TRIM26: variants seen among roughly 807,000 people sequenced by gnomAD.
The protein encoded by TRIM26 is tripartite motif containing 26.
In TRIM26, 16 loss-of-function variants were observed where a neutral mutation model predicts 45.5. That is an observed-to-expected ratio of 0.35 (90% CI 0.24 to 0.53). The LOEUF (loss-of-function observed/expected upper bound fraction) is 0.53. Among genes scored for constraint, TRIM26 ranks in the 20% least tolerant of loss-of-function variants. The pLI, the probability that TRIM26 is intolerant of heterozygous loss-of-function variation, is 0.92. For missense variants in TRIM26, 442 were observed against 691.1 expected (o/e 0.64, Z 4.04); for synonymous variants, 273 against 290.4 (o/e 0.94, Z 0.61).
chr6:30,187,218 C>A, intron 9 of TRIM26: 1 of 274,092 alleles, frequency 3.6e-6, no homozygotes, highest in South Asian at 4.0e-5. Flanking sequence ...ACAACATTTT[C>A]AATTTCCTGA....
intron 1 of TRIM26, among the ~76,000 whole-genome samples, chr6:30,210,798 C>T (rs1778211357): frequency 6.6e-6 from 1 of 152,166 alleles, no homozygotes; most frequent in African/African-American, 2.4e-5. Context: ...ACTGTACTTA[C>T]CCTTCTTGTG....
At chr6:30,208,469 GT>G (rs1777935072) in intron 1 of TRIM26, among the ~76,000 whole-genome samples, 1 of 146,018 alleles carries the variant, frequency 6.8e-6, no homozygotes, top group African/African-American at 2.5e-5. Flanking sequence ...CATAAACAGA[GT>G]TTATTTTCTC....
Position 30,189,955 on chromosome 6 carries a change from A to C in TRIM26, c.788+58T>G, listed in dbSNP as rs1775645262. On this transcript the variant is annotated intron_variant, in intron 7 of 9. Transcript: ENST00000454678. The surrounding 1 kb of genome is among the most constrained non-coding windows in gnomAD (Gnocchi z 5.0). ...CATGAATTCAAATGCACCTGGTCAG[A>C]AGCGGGGGAACATAAACAAGGGGGA... 6.2e-6 allele frequency: 10 copies of C among 1,604,910 alleles called. No homozygotes were observed. The highest frequency in any genetic ancestry group is 6.8e-6 in the Non-Finnish European group (8 of 1,172,870).
chr6:30,203,046 CTT>C (rs9278610), intron 2 of TRIM26, among the ~76,000 whole-genome samples: 30,750 of 132,884 alleles, frequency 0.23, 3,509 homozygotes, highest in African/African-American at 0.35. Flanking sequence ...TCCTCTCTTT[CTT>C]TTTTTTTTTT....
chr6:30,200,127 T>C (rs1776999403), intron 3 of TRIM26, among the ~76,000 whole-genome samples: 1 of 152,100 alleles, frequency 6.6e-6, no homozygotes, highest in South Asian at 2.1e-4. Flanking sequence ...TTAAAAATTT[T>C]TTAAAATACC....
Position 30,189,230 on chromosome 6 carries a change from A to T in TRIM26, c.905-31T>A. ...GAGAAAAAAGGACAGCAATGACTCA[A>T]GTCCCGAAAATTTATGAGCCCATTT... On this transcript the variant is annotated intron_variant, in intron 8 of 9. Transcript: ENST00000454678. The surrounding 1 kb of genome is among the most constrained non-coding windows in gnomAD (Gnocchi z 5.0). 6.2e-7 allele frequency: 1 copy of T among 1,613,062 alleles called. No individual in the cohort carries two copies. The highest frequency in any genetic ancestry group is 8.5e-7 in the Non-Finnish European group (1 of 1,180,032).
rs1414873211 is a variant in TRIM26 at position 30,190,353 on chromosome 6, G to A, written c.766-318C>T. 8 of 472,844 alleles carry A rather than the reference G, an allele frequency of 1.7e-5. No individual in the cohort carries two copies. Among genetic ancestry groups the A allele is most frequent in the Middle Eastern group, 6.0e-4 (1 of 1,668 alleles). 29.3% of individuals were successfully genotyped at this position (472,844 alleles called of 1,614,324 possible). On this transcript the variant is annotated intron_variant, in intron 6 of 9. Transcript: ENST00000454678. The surrounding 1 kb of genome is among the most constrained non-coding windows in gnomAD (Gnocchi z 4.3). ...AAGGTAAAACAGGAAAGGGCTTGGTGAGAACGGCAGAGGCCAGACTGCGCA... is the reference window on the plus strand; with the variant it reads ...AAGGTAAAACAGGAAAGGGCTTGGTAAGAACGGCAGAGGCCAGACTGCGCA...
chr6:30,194,991 A>C (rs1329119050), intron 6 of TRIM26, among the ~76,000 whole-genome samples: 5 of 152,148 alleles, frequency 3.3e-5, no homozygotes, highest in Non-Finnish European at 5.9e-5. Context: ...AAAGAAACCT[A>C]CCAGTACCAA....
chr6:30,202,423 T>G (rs946677226), intron 2 of TRIM26, among the ~76,000 whole-genome samples: 1 of 152,200 alleles, frequency 6.6e-6, no homozygotes, highest in Non-Finnish European at 1.5e-5. Context: ...CTAAAACTAT[T>G]AGGTGAAAAG....
In TRIM26 at chr6:30,209,396, GA is replaced by G. The variant is rs1347707869; in HGVS notation, c.-376+3908del. On this transcript the variant is annotated intron_variant, in intron 1 of 9. Transcript: ENST00000454678. The surrounding 1 kb of genome is among the most constrained non-coding windows in gnomAD (Gnocchi z 4.8). ...ATGTCCCCCAAAAGTTCACGTGTTG[GA>G]AACGTAATTGCCAATGTAACGGTAT... 6.6e-6 allele frequency among the ~76,000 whole-genome samples: 1 copy of G among 152,152 alleles called. No individual in the cohort carries two copies. The highest frequency in any genetic ancestry group is 1.5e-5 in the Non-Finnish European group (1 of 68,024).
chr6:30,186,854 C>T lies in TRIM26; in HGVS notation c.938-296G>A. 1.1e-6 allele frequency: 1 copy of T among 898,968 alleles called. No individual in the cohort carries two copies. The highest frequency in any genetic ancestry group is 1.8e-6 in the Non-Finnish European group (1 of 553,048). The allele number at this position is 898,968 out of a possible 1,614,324, so 55.7% of individuals were successfully genotyped here. On this transcript the variant is annotated intron_variant, in intron 9 of 9. Coordinates refer to ENST00000454678, the MANE Select transcript of TRIM26 (RefSeq NM_003449.5). This position sits in a 1 kb window ranked among gnomAD's most constrained non-coding sequence, Gnocchi z 7.4. The stretch of plus-strand genomic sequence containing the variant: ...AACTTTTCATAAGCTTCCTCTATCT[C>T]TGGATCTCTGGGTCCAACTCATCAT...
In TRIM26 at chr6:30,209,972, C is replaced by T. The variant is rs1273293945; in HGVS notation, c.-376+3333G>A. Among the ~76,000 whole-genome samples, 7 of 151,914 alleles carry T rather than the reference C, an allele frequency of 4.6e-5. No homozygotes were observed. The highest frequency in any genetic ancestry group is 4.6e-4 in the Admixed American group (7 of 15,254). On this transcript the variant is annotated intron_variant, in intron 1 of 9. Transcript: ENST00000454678. The surrounding 1 kb of genome is among the most constrained non-coding windows in gnomAD (Gnocchi z 4.8). Reference sequence around the variant, plus strand: ...CTGTAATCCCAGCACTTTGGGAGGCCGAGGTGGGCAGATCATGAGGTCAAG... The same window carrying T: ...CTGTAATCCCAGCACTTTGGGAGGCTGAGGTGGGCAGATCATGAGGTCAAG...
chr6:30,190,847 A>G lies in TRIM26; in HGVS notation c.766-812T>C, dbSNP rs1775755580. On this transcript the variant is annotated intron_variant, in intron 6 of 9. Transcript: ENST00000454678. The surrounding 1 kb of genome is among the most constrained non-coding windows in gnomAD (Gnocchi z 4.3). ...CCCAGTCCCTTGGATAAGCTTATGT[A>G]CAGCTACTGTGATAGCTCTAGACCC... is the stretch of plus-strand genomic sequence containing the variant. Among the ~76,000 whole-genome samples the G allele has an allele frequency of 1.3e-5, 2 of 152,208 alleles. No individual in the cohort carries two copies.
At position 30,196,320 on chromosome 6, in the gene TRIM26, T is replaced by C. The variant is rs938187088; in HGVS notation, c.765+196A>G. On this transcript the variant is annotated intron_variant, in intron 6 of 9. Coordinates refer to ENST00000454678, the MANE Select transcript of TRIM26 (RefSeq NM_003449.5). This position sits in a 1 kb window ranked among gnomAD's most constrained non-coding sequence, Gnocchi z 4.9. ...AGTTTTGTGTAAAAAGTTTATTTTT[T>C]GAAGTGACAGCATGCCAGTTATTTC... 5.3e-5 allele frequency among the ~76,000 whole-genome samples: 8 copies of C among 152,274 alleles called. No homozygotes were observed. The highest frequency in any genetic ancestry group is 5.2e-4 in the Admixed American group (8 of 15,290).
chr6:30,212,537 A>G (rs1778387191), intron 1 of TRIM26, among the ~76,000 whole-genome samples: 1 of 152,220 alleles, frequency 6.6e-6, no homozygotes, highest in Non-Finnish European at 1.5e-5. Context: ...AAGTGTTGTA[A>G]GAAATAAAGT....
chr6:30,212,789 C>T (rs1340443807), intron 1 of TRIM26, among the ~76,000 whole-genome samples: 1 of 151,540 alleles, frequency 6.6e-6, no homozygotes, highest in Non-Finnish European at 1.5e-5. Flanking sequence ...ATTTACTCCA[C>T]AGAGTTAAAT....
At chr6:30,188,460 T>C (rs115805928) in intron 9 of TRIM26, 3,671 of 272,084 alleles carry the variant, frequency 0.013, 38 homozygotes, top group Non-Finnish European at 0.018. Flanking sequence ...TAGAATAACC[T>C]GATAGGTAAA....
At chr6:30,201,248 C>A (rs1172522714) in intron 2 of TRIM26, 110 bp from the exon 3 acceptor site, 3 of 152,178 alleles carry the variant, frequency 2.0e-5, no homozygotes, top group Admixed American at 2.0e-4. Flanking sequence ...AGAAATAAAA[C>A]CCCCAGTCTA....
intron 2 of TRIM26, among the ~76,000 whole-genome samples, chr6:30,202,347 G>A (rs1447879922): frequency 6.6e-6 from 1 of 152,052 alleles, no homozygotes; most frequent in Non-Finnish European, 1.5e-5. Flanking sequence ...AGTAGAAGAG[G>A]GATAACAGAA....
Sources: gnomAD v4.1 joint callset for allele counts (sites outside exome capture counted in the v4.1 genomes callset) on GRCh38, gnomAD v4.1.1 for gene constraint, Gnocchi (gnomAD v3.1) non-coding constraint, MANE v1.5 for transcripts, NCBI Gene and HGNC (gene_info 2026-07-23, HGNC 2026-07-21) for gene names.